CAND1: variants seen among roughly 807,000 people sequenced by gnomAD.
CAND1 encodes the protein cullin-associated NEDD8-dissociated protein 1.
CAND1 carries 7 observed loss-of-function variants against 108.5 expected under a neutral mutation model. That is an observed-to-expected ratio of 0.06 (90% CI 0.04 to 0.12). The LOEUF (loss-of-function observed/expected upper bound fraction) is 0.12, where lower values mean the gene tolerates loss of function less well. Ranked by LOEUF, CAND1 falls within the 10% of genes least tolerant of loss-of-function variation. CAND1 has a pLI of 1.00. For missense variants in CAND1, 941 were observed against 1,448.7 expected (o/e 0.65, Z 5.69); for synonymous variants, 534 against 512.0 (o/e 1.04, Z -0.58).
chr12:67,310,308 G>T lies in CAND1; in HGVS notation c.3352G>T (p.Asp1118Tyr). Reference protein sequence around the residue: ...HVEDGLKDHYDIKMLTFLMLV... With the variant: ...HVEDGLKDHYYIKMLTFLMLV... ...TGAAGATGGTTTGAAGGACCATTAT[G>T]ATATTAAGGTAAGATGTTTGTGCCT... The change falls in exon 13 of 15, where the codon GAT (aspartate) becomes TAT (tyrosine). Residue 1118 changes from aspartate to tyrosine, a missense_variant. Asp to Tyr is a radical substitution (Grantham distance 160). This residue lies in a region of CAND1 where 5 missense variants were observed against 34.6 expected (regional missense o/e 0.14). Transcript: ENST00000545606. 6.2e-7 allele frequency: 1 copy of T among 1,603,518 alleles called. No individual in the cohort carries two copies. Among genetic ancestry groups the T allele is most frequent in the South Asian group, 1.1e-5 (1 of 90,118 alleles).
Position 67,295,082 on chromosome 12 carries a change from A to G in CAND1, c.417A>G (p.Thr139=). 3.1e-6 allele frequency: 5 copies of G among 1,613,180 alleles called. No individual in the cohort carries two copies. Among genetic ancestry groups the G allele is most frequent in the Non-Finnish European group, 4.2e-6 (5 of 1,179,362 alleles). Residue 139 remains threonine, a synonymous_variant, in exon 4 of 15, where the codon ACA becomes ACG. Coordinates refer to ENST00000545606, the MANE Select transcript of CAND1 (RefSeq NM_018448.5). ...GTAAAAAGATTACTGGACGTCTTACAAGTGCAATAGCAAAACAGGAAGATG... is the reference window on the plus strand; with the variant it reads ...GTAAAAAGATTACTGGACGTCTTACGAGTGCAATAGCAAAACAGGAAGATG... ...NVCKKITGRL[T]SAIAKQEDVS... is the part of the protein sequence containing the mutation.
intron 1 of CAND1, among the ~76,000 whole-genome samples, chr12:67,274,116 C>T (rs1039342105): frequency 6.6e-6 from 1 of 152,172 alleles, no homozygotes; most frequent in Non-Finnish European, 1.5e-5. Context: ...TGTTAAGATT[C>T]AGGCCTTAAA....
intron 2 of CAND1, among the ~76,000 whole-genome samples, chr12:67,289,848 T>C (rs1015595504): frequency 1.3e-5 from 2 of 152,218 alleles, no homozygotes; most frequent in African/African-American, 4.8e-5. Flanking sequence ...TTATCTTTTC[T>C]TTTAAATCAC....
intron 2 of CAND1, among the ~76,000 whole-genome samples, chr12:67,286,657 C>T (rs975941433): frequency 1.3e-5 from 2 of 149,368 alleles, no homozygotes; most frequent in Admixed American, 1.3e-4. Context: ...TTTGAATTTA[C>T]TTTAGTTTGA....
chr12:67,272,532 C>T (rs557809490), intron 1 of CAND1, among the ~76,000 whole-genome samples: 2 of 152,176 alleles, frequency 1.3e-5, no homozygotes, highest in South Asian at 2.1e-4. Context: ...ACTATTAAGG[C>T]TCAATTTATT....
chr12:67,288,671 A>C (rs2044695199), intron 2 of CAND1, among the ~76,000 whole-genome samples: 1 of 152,232 alleles, frequency 6.6e-6, no homozygotes, highest in African/African-American at 2.4e-5. Context: ...CTCAACTTCA[A>C]ATACTATGAC....
At chr12:67,312,051 A>G (rs1356593278) in intron 14 of CAND1, among the ~76,000 whole-genome samples, 1 of 152,160 alleles carries the variant, frequency 6.6e-6, no homozygotes, top group Non-Finnish European at 1.5e-5. Flanking sequence ...AAGTACTGAT[A>G]TGGGATAAAA....
In CAND1 at chr12:67,316,736, T is replaced by C. The variant is rs558435011; in HGVS notation, c.*3906T>C. 5 of 152,346 alleles carry C rather than the reference T, an allele frequency of 3.3e-5. No homozygotes were observed. In the East Asian group the frequency reaches 7.7e-4, roughly 24 times the overall value. The allele number at this position is 152,346 out of a possible 1,614,324, so 9.4% of individuals were successfully genotyped here. A position where few individuals can be genotyped will look rare whatever the true frequency, so the allele number is the denominator to read the frequency against. ...CTTAGAAGACAGAAAGCTTATGCTA[T>C]GTAAAGTGACATTGTTTCCAGATTA... is the stretch of plus-strand genomic sequence containing the variant. On this transcript the variant is annotated 3_prime_UTR_variant, in exon 15 of 15. Coordinates refer to ENST00000545606, the MANE Select transcript of CAND1 (RefSeq NM_018448.5).
At chr12:67,282,779 T>C (rs939386575) in intron 2 of CAND1, among the ~76,000 whole-genome samples, 2 of 152,224 alleles carry the variant, frequency 1.3e-5, no homozygotes, top group African/African-American at 2.4e-5. Context: ...ATACAATATA[T>C]ATATCATCAG....
chr12:67,307,298 G>T, intron 10 of CAND1, 99 bp from the exon 11 acceptor site: 1 of 784,618 alleles, frequency 1.3e-6, no homozygotes. Flanking sequence ...GAATTCTAAG[G>T]CATTGAAGAC....
chr12:67,290,182 A>G (rs1258666199), intron 2 of CAND1, among the ~76,000 whole-genome samples: 1 of 152,072 alleles, frequency 6.6e-6, no homozygotes, highest in Non-Finnish European at 1.5e-5. Context: ...TTGTTTCCTC[A>G]TTTGAAATGC....
chr12:67,282,444 A>G (rs960826394), intron 2 of CAND1, among the ~76,000 whole-genome samples: 3 of 152,100 alleles, frequency 2.0e-5, no homozygotes, highest in Admixed American at 6.6e-5. Context: ...AATAATAATA[A>G]CATTCTTTTT....
Position 67,305,987 on chromosome 12 carries a change from G to C in CAND1, c.2319G>C (p.Met773Ile). 3 of 1,614,142 alleles carry C rather than the reference G, an allele frequency of 1.9e-6. No homozygotes were observed. Among genetic ancestry groups the C allele is most frequent in the Non-Finnish European group, 2.5e-6 (3 of 1,180,002 alleles). The change falls in exon 10 of 15, where the codon ATG becomes ATC. Residue 773 changes from methionine to isoleucine, a missense_variant. By Grantham distance (10) the Met-to-Ile change is conservative. Coordinates refer to ENST00000545606, the MANE Select transcript of CAND1 (RefSeq NM_018448.5). This position sits in a 1 kb window ranked among gnomAD's most constrained non-coding sequence, Gnocchi z 4.4. Reference sequence around the variant, plus strand: ...CTGGAACAAATAATTTAGGATACATGGATTTGTTGCGCATGCTGACTGGTC... The same window carrying C: ...CTGGAACAAATAATTTAGGATACATCGATTTGTTGCGCATGCTGACTGGTC... ...VVTGTNNLGY[M>I]DLLRMLTGPV...
chr12:67,269,815 C>G (rs1024461841), intron 1 of CAND1, 30 bp downstream of exon 1: 2 of 1,573,970 alleles, frequency 1.3e-6, no homozygotes, highest in African/African-American at 2.8e-5. Flanking sequence ...CTCACCCCAC[C>G]TCGGGGTTCT....
chr12:67,301,348 C>A (rs2044822878), intron 7 of CAND1, among the ~76,000 whole-genome samples: 1 of 152,066 alleles, frequency 6.6e-6, no homozygotes, highest in Non-Finnish European at 1.5e-5. Context: ...GGAATAAAAG[C>A]CAGTAAAAAG....
intron 1 of CAND1, among the ~76,000 whole-genome samples, chr12:67,278,628 C>G (rs1275960401): frequency 6.6e-6 from 1 of 152,158 alleles, no homozygotes; most frequent in Non-Finnish European, 1.5e-5. Context: ...AAGCGATTCT[C>G]CTGCCTTAGC....
At chr12:67,302,730 G>T in intron 8 of CAND1, 115 bp downstream of exon 8, 1 of 860,170 alleles carries the variant, frequency 1.2e-6, no homozygotes, top group Non-Finnish European at 1.8e-6. Flanking sequence ...AAAGTTCTAG[G>T]ATATGTTTAT....
rs1048239827 is a variant in CAND1 at position 67,319,654 on chromosome 12, C to T, written c.*6824C>T. On this transcript the variant is annotated 3_prime_UTR_variant, in exon 15 of 15. Coordinates refer to ENST00000545606, the MANE Select transcript of CAND1 (RefSeq NM_018448.5). ...AGGGTATGGGAAGGGCCGACTAGTCCAGCTGTTCACAAACAGCCCTTAATG... is the reference window on the plus strand; with the variant it reads ...AGGGTATGGGAAGGGCCGACTAGTCTAGCTGTTCACAAACAGCCCTTAATG... 6.6e-6 allele frequency: 1 copy of T among 152,144 alleles called. No homozygotes were observed. Among genetic ancestry groups the T allele is most frequent in the African/African-American group, 2.4e-5 (1 of 41,422 alleles). 9.4% of individuals were successfully genotyped at this position (152,144 alleles called of 1,614,324 possible).
At position 67,295,119 on chromosome 12, in the gene CAND1, C is replaced by G; in HGVS notation, c.454C>G (p.Leu152Val). The change falls in exon 4 of 15, where the codon CTA becomes GTA. Residue 152 changes from leucine to valine, a missense_variant. Physicochemically the swap from Leu to Val is conservative, Grantham distance 32. Transcript: ENST00000545606. The part of the protein sequence containing the change: ...IAKQEDVSVQ[L>V]EALDIMADML... ...AAAACAGGAAGATGTCTCTGTTCAGCTAGAAGCCTTGGATATTATGGCTGA... is the reference window on the plus strand; with the variant it reads ...AAAACAGGAAGATGTCTCTGTTCAGGTAGAAGCCTTGGATATTATGGCTGA... 6.2e-7 allele frequency: 1 copy of G among 1,612,982 alleles called. No individual in the cohort carries two copies. Among genetic ancestry groups the G allele is most frequent in the South Asian group, 1.1e-5 (1 of 91,008 alleles).
Sources: gnomAD v4.1 joint callset for allele counts (sites outside exome capture counted in the v4.1 genomes callset) on GRCh38, gnomAD v4.1.1 for gene constraint, gnomAD v4.1.1 regional missense constraint, Gnocchi (gnomAD v3.1) non-coding constraint, MANE v1.5 for transcripts, NCBI Gene and HGNC (gene_info 2026-07-23, HGNC 2026-07-21) for gene names.